The following CACNA1E variants were observed in gnomAD, a reference collection of about 807,000 sequenced individuals.
CACNA1E encodes the protein calcium voltage-gated channel subunit alpha1 E, also known as voltage-dependent R-type calcium channel subunit alpha-1E.
Under a neutral mutation model 259.2 loss-of-function variants are expected in CACNA1E, and 40 were observed. The ratio of observed to expected loss-of-function variants is 0.15; its 90% CI spans 0.12 to 0.20. The LOEUF is 0.20. Ranked by LOEUF, CACNA1E falls within the 10% of genes least tolerant of loss-of-function variation. CACNA1E has a pLI of 1.00. For synonymous variants in CACNA1E, 1,104 were observed against 1,138.5 expected, an observed-to-expected ratio of 0.97 and a Z score of 0.61; for missense variants, 1,874 against 3,040.1, an observed-to-expected ratio of 0.62 and a Z score of 9.02.
rs531381462 is a variant in CACNA1E at position 181,767,507 on chromosome 1, C to A, written c.4881+896C>A. Among the ~76,000 whole-genome samples the A allele has an allele frequency of 5.3e-5, 8 of 152,358 alleles. No homozygotes were observed. In the South Asian group the frequency reaches 1.7e-3, roughly 32 times the overall value. ...GTCAGGCAGTCTGGCTGCCTTGGGC[C>A]TGCTGGCTGCCTTCCCAACTGTGTT... On this transcript the variant is annotated intron_variant, in intron 35 of 47. Coordinates refer to ENST00000367573, the MANE Select transcript of CACNA1E (RefSeq NM_001205293.3).
At chr1:181,522,495 A>G (rs1421473249) in intron 3 of CACNA1E, among the ~76,000 whole-genome samples, 1 of 152,238 alleles carries the variant, frequency 6.6e-6, no homozygotes, top group East Asian at 1.9e-4. Flanking sequence ...ACAATGGTCA[A>G]AAGATCAAGC....
In CACNA1E at chr1:181,753,586, A is replaced by C. The variant is rs552254313; in HGVS notation, c.3828+1347A>C. ...AGTGGTCCCTGTTAGAAAACTCAAC[A>C]GTTCCTCTGGAATGCCTGGGCCTGC... On this transcript the variant is annotated intron_variant, in intron 27 of 47. Coordinates refer to ENST00000367573, the MANE Select transcript of CACNA1E (RefSeq NM_001205293.3). Among the ~76,000 whole-genome samples, 80 of 152,318 alleles carry C rather than the reference A, an allele frequency of 5.3e-4. 1 individual carries two copies. Among genetic ancestry groups the C allele is most frequent in the African/African-American group, 1.8e-3 (76 of 41,562 alleles).
At chr1:181,341,718 C>T (rs531189900) in intron 1 of CACNA1E, among the ~76,000 whole-genome samples, 187 of 152,326 alleles carry the variant, frequency 1.2e-3, no homozygotes, top group Non-Finnish European at 2.2e-3. Context: ...TATTCTTTCT[C>T]GGTTGTTCTC....
At chr1:181,620,915 C>T (rs1460148479) in intron 6 of CACNA1E, among the ~76,000 whole-genome samples, 1 of 152,036 alleles carries the variant, frequency 6.6e-6, no homozygotes, top group Non-Finnish European at 1.5e-5. Flanking sequence ...ACATAAACAA[C>T]TCTAAACAGC....
intron 2 of CACNA1E, among the ~76,000 whole-genome samples, chr1:181,432,723 C>G (rs1659806887): frequency 6.6e-6 from 1 of 152,182 alleles, no homozygotes; most frequent in South Asian, 2.1e-4. Context: ...AGCTGTGTGG[C>G]TTTCACTAAA....
chr1:181,774,290 G>A (rs1403669141), intron 37 of CACNA1E, among the ~76,000 whole-genome samples: 1 of 152,228 alleles, frequency 6.6e-6, no homozygotes, highest in African/African-American at 2.4e-5. Flanking sequence ...TGGATACATG[G>A]AAAACCCTTT....
At chr1:181,451,483 C>T (rs1466211042) in intron 2 of CACNA1E, among the ~76,000 whole-genome samples, 4 of 152,116 alleles carry the variant, frequency 2.6e-5, no homozygotes, top group Admixed American at 6.5e-5. Context: ...GTCAGGAGTT[C>T]GAGACCAGCC....
intron 7 of CACNA1E, chr1:181,651,664 C>T (rs1658769504): frequency 2.1e-6 from 1 of 468,280 alleles, no homozygotes; most frequent in South Asian, 2.7e-5. Flanking sequence ...TGATGTCAGG[C>T]ACAACACTGA....
intron 2 of CACNA1E, among the ~76,000 whole-genome samples, chr1:181,450,649 T>TA (rs1468929848): frequency 6.6e-6 from 1 of 152,118 alleles, no homozygotes; most frequent in African/African-American, 2.4e-5. Flanking sequence ...TAGCAGGAAC[T>TA]AAAAAACGAG....
intron 7 of CACNA1E, among the ~76,000 whole-genome samples, chr1:181,704,333 C>G (rs533020556): frequency 2.6e-5 from 4 of 152,172 alleles, no homozygotes; most frequent in Non-Finnish European, 4.4e-5. Flanking sequence ...ACCCTAACCC[C>G]AACCCATTTT....
At chr1:181,352,832 A>G (rs547872974) in intron 1 of CACNA1E, among the ~76,000 whole-genome samples, 199 of 152,240 alleles carry the variant, frequency 1.3e-3, no homozygotes, top group African/African-American at 4.6e-3. Flanking sequence ...ACTCAGGTTG[A>G]TGAGACCTTT....
intron 3 of CACNA1E, among the ~76,000 whole-genome samples, chr1:181,560,781 C>T (rs970934766): frequency 2.0e-5 from 3 of 152,222 alleles, no homozygotes; most frequent in African/African-American, 7.2e-5. Flanking sequence ...CAGATTTGTA[C>T]ACCCATGTTC....
At chr1:181,381,181 A>G (rs1210927696) in intron 1 of CACNA1E, among the ~76,000 whole-genome samples, 1 of 151,096 alleles carries the variant, frequency 6.6e-6, no homozygotes, top group East Asian at 1.9e-4. Flanking sequence ...AAAAAAAAAA[A>G]TGTCCATATA....
intron 3 of CACNA1E, among the ~76,000 whole-genome samples, chr1:181,524,338 G>A (rs1291577737): frequency 6.6e-6 from 1 of 152,250 alleles, no homozygotes; most frequent in Non-Finnish European, 1.5e-5. Context: ...GGAATAGAAT[G>A]TATGTGTGGT....
chr1:181,707,003 C>A (rs1246493592), intron 7 of CACNA1E, among the ~76,000 whole-genome samples: 2 of 152,142 alleles, frequency 1.3e-5, no homozygotes, highest in Non-Finnish European at 2.9e-5. Context: ...TTCGCTGACC[C>A]TTGTTGGAAT....
At chr1:181,650,461 T>G (rs1490817973) in intron 6 of CACNA1E, among the ~76,000 whole-genome samples, 1 of 152,144 alleles carries the variant, frequency 6.6e-6, no homozygotes, top group African/African-American at 2.4e-5. Context: ...TCAGAAAGAC[T>G]ATTTGGAAAG....
At chr1:181,420,011 C>A (rs1040641037) in intron 2 of CACNA1E, among the ~76,000 whole-genome samples, 1 of 152,072 alleles carries the variant, frequency 6.6e-6, no homozygotes, top group African/African-American at 2.4e-5. Context: ...GGTCCTTTCC[C>A]AGGGCTTGGA....
At chr1:181,672,736 C>A (rs1237733763) in intron 7 of CACNA1E, among the ~76,000 whole-genome samples, 2 of 152,228 alleles carry the variant, frequency 1.3e-5, no homozygotes, top group Non-Finnish European at 2.9e-5. Context: ...TGTTCACAGA[C>A]AATGCAAACA....
intron 2 of CACNA1E, among the ~76,000 whole-genome samples, chr1:181,425,540 C>G (rs1383212126): frequency 2.5e-5 from 3 of 121,412 alleles, no homozygotes; most frequent in Admixed American, 1.7e-4. Flanking sequence ...CTCCCCCCCC[C>G]GACCCCAAGC....
Sources: allele counts gnomAD v4.1 joint callset (sites outside exome capture counted in the v4.1 genomes callset), GRCh38; gene constraint gnomAD v4.1.1; transcripts MANE v1.5; gene names NCBI Gene and HGNC (gene_info 2026-07-23, HGNC 2026-07-21).